Variants in GRK7 observed in about 807,000 individuals in gnomAD.
GRK7 encodes G protein-coupled receptor kinase 7.
GRK7 carries 24 observed loss-of-function variants against 34.1 expected under a neutral mutation model. The ratio of observed to expected loss-of-function variants is 0.70; its 90% CI spans 0.51 to 0.99. GRK7 has a LOEUF of 0.99. Ranked by LOEUF, GRK7 falls within the 50% of genes least tolerant of loss-of-function variation. The pLI, the probability that GRK7 is intolerant of heterozygous loss-of-function variation, is 0.00. For synonymous variants in GRK7, 256 were observed against 279.4 expected (o/e 0.92, Z 0.84); for missense variants, 644 against 707.3 (o/e 0.91, Z 1.02).
chr3:141,769,473 G>A (rs965128791), intron 1 of GRK7, among the ~76,000 whole-genome samples: 2 of 152,070 alleles, frequency 1.3e-5, no homozygotes, highest in African/African-American at 2.4e-5. Flanking sequence ...TATCCACATC[G>A]TATGGCTAAA....
At chr3:141,796,877 T>G (rs1046700425) in intron 4 of GRK7, among the ~76,000 whole-genome samples, 3 of 152,126 alleles carry the variant, frequency 2.0e-5, no homozygotes, top group African/African-American at 4.8e-5. Flanking sequence ...CCAGGCATGG[T>G]AACAACAGCC....
intron 4 of GRK7, among the ~76,000 whole-genome samples, chr3:141,804,920 C>A (rs2107892327): frequency 6.6e-6 from 1 of 151,380 alleles, no homozygotes; most frequent in Middle Eastern, 3.4e-3. Context: ...CTCACACACA[C>A]ATGCATACTC....
rs116094914 is a variant in GRK7, at chr3:141,817,114, C to T, written c.*64C>T. 1.6e-3 allele frequency: 2,036 copies of T among 1,270,206 alleles called. 31 individuals are homozygous for T. In the African/African-American group the frequency reaches 0.026, roughly 16 times the overall value. 78.7% of individuals were successfully genotyped at this position (1,270,206 alleles called of 1,614,324 possible). ...TGACATAATCCTCGAATGTTCCACA[C>T]GTGGAAATCTGTGGAATGAGGGCTA... On this transcript the variant is annotated 3_prime_UTR_variant, in exon 6 of 6. Transcript: ENST00000682958.
Position 141,763,712 on chromosome 3 carries a change from A to G in GRK7, c.-2241A>G, listed in dbSNP as rs1469828317. ...TTAGATACCTCAACACAAGAAACCC[A>G]GTTTTCCAGCTCAACTCACATTCTC... On this transcript the variant is annotated 5_prime_UTR_variant, in exon 1 of 6. Transcript: ENST00000682958. 1.3e-5 allele frequency among the ~76,000 whole-genome samples: 2 copies of G among 152,234 alleles called. No individual in the cohort carries two copies. Among genetic ancestry groups the G allele is most frequent in the East Asian group, 3.9e-4 (2 of 5,170 alleles).
chr3:141,816,259 G>A lies in GRK7; in HGVS notation c.1326-455G>A, dbSNP rs185131949. On this transcript the variant is annotated intron_variant, in intron 5 of 5. Transcript: ENST00000682958. ...GTTGGGGAGGTAAGTGGGGCTTGTAGAAATCATATCATATTACCAATAAAG... is the reference window on the plus strand; with the variant it reads ...GTTGGGGAGGTAAGTGGGGCTTGTAAAAATCATATCATATTACCAATAAAG... 1.2e-4 allele frequency among the ~76,000 whole-genome samples: 18 copies of A among 152,258 alleles called. No individual in the cohort carries two copies. The East Asian group carries it at 2.7e-3, about 23-fold the overall frequency.
chr3:141,773,522 A>G lies in GRK7; in HGVS notation c.-214-1058A>G, dbSNP rs547031445. 7.8e-4 allele frequency among the ~76,000 whole-genome samples: 118 copies of G among 152,100 alleles called. 5 individuals carry two copies. In the South Asian group the frequency reaches 0.024, roughly 31 times the overall value. On this transcript the variant is annotated intron_variant, in intron 1 of 5. Transcript: ENST00000682958. Reference sequence around the variant, plus strand: ...ATGATGATTATTATTTATTGTTATTATTTTTTTGAGACGGAGTCTTGCTCT... The same window carrying G: ...ATGATGATTATTATTTATTGTTATTGTTTTTTTGAGACGGAGTCTTGCTCT...
chr3:141,786,775 GAAA>G (rs34246562), intron 4 of GRK7, among the ~76,000 whole-genome samples: 2 of 136,120 alleles, frequency 1.5e-5, no homozygotes, highest in Non-Finnish European at 3.2e-5. Flanking sequence ...AAGACTCTCG[GAAA>G]AAAAAAAAAA....
chr3:141,818,274 GC>G lies in GRK7; in HGVS notation c.*1225del, dbSNP rs1711173426. ...AGGCAGATGGATCATGAGGTCAGGG[GC>G]TCAAGACTAGCCTGGCCAACATGTT... On this transcript the variant is annotated 3_prime_UTR_variant, in exon 6 of 6. Transcript: ENST00000682958. The G allele has an allele frequency of 6.6e-6, 1 of 152,210 alleles. No individual in the cohort carries two copies. Among genetic ancestry groups the G allele is most frequent in the Non-Finnish European group, 1.5e-5 (1 of 68,082 alleles). The allele number at this position is 152,210 out of a possible 1,614,324, so 9.4% of individuals were successfully genotyped here. A position where few individuals can be genotyped will look rare whatever the true frequency, so the allele number is the denominator to read the frequency against.
At chr3:141,794,376 G>C (rs915893674) in intron 4 of GRK7, among the ~76,000 whole-genome samples, 1 of 152,238 alleles carries the variant, frequency 6.6e-6, no homozygotes, top group African/African-American at 2.4e-5. Context: ...GCCCCCACAG[G>C]TGGGGAAGAG....
chr3:141,771,365 C>T (rs1044178365), intron 1 of GRK7, among the ~76,000 whole-genome samples: 1 of 152,158 alleles, frequency 6.6e-6, no homozygotes, highest in Non-Finnish European at 1.5e-5. Context: ...TCAAATACAG[C>T]ATGTACTCTC....
intron 4 of GRK7, among the ~76,000 whole-genome samples, chr3:141,782,174 C>A (rs74446367): frequency 6.6e-6 from 1 of 152,086 alleles, no homozygotes; most frequent in Non-Finnish European, 1.5e-5. Context: ...AAGACCAATG[C>A]GGCAACAATT....
At chr3:141,753,091 G>A in the GRK7 span, among the ~76,000 whole-genome samples, 1 of 152,182 alleles carries the variant, frequency 6.6e-6, no homozygotes, top group African/African-American at 2.4e-5. Context: ...AGATGACACT[G>A]GTGGAAGGAA....
At chr3:141,810,056 G>A (rs1041593111) in intron 5 of GRK7, among the ~76,000 whole-genome samples, 1 of 152,156 alleles carries the variant, frequency 6.6e-6, no homozygotes, top group Non-Finnish European at 1.5e-5. Flanking sequence ...GAGTAAAGTA[G>A]ATTACCATCC....
chr3:141,773,410 T>C (rs1469954704), intron 1 of GRK7, among the ~76,000 whole-genome samples: 2 of 152,132 alleles, frequency 1.3e-5, no homozygotes, highest in African/African-American at 4.8e-5. Flanking sequence ...TTCTTCTACA[T>C]CGCTTAGGCC....
chr3:141,814,253 G>A (rs1711124447), intron 5 of GRK7, among the ~76,000 whole-genome samples: 1 of 152,112 alleles, frequency 6.6e-6, no homozygotes, highest in South Asian at 2.1e-4. Flanking sequence ...TTTAGATTCA[G>A]GGAGTATATG....
At chr3:141,781,981 T>C (rs1223643454) in intron 4 of GRK7, among the ~76,000 whole-genome samples, 1 of 152,094 alleles carries the variant, frequency 6.6e-6, no homozygotes, top group East Asian at 1.9e-4. Context: ...CCAAAGGAAA[T>C]GAGAAAAATC....
intron 4 of GRK7, among the ~76,000 whole-genome samples, chr3:141,786,071 T>C (rs1293459822): frequency 1.3e-5 from 2 of 152,146 alleles, no homozygotes; most frequent in African/African-American, 2.4e-5. Context: ...TACCTGCTTA[T>C]AGCCCATTAG....
chr3:141,762,941 C>A (rs1453804138), upstream of GRK7, among the ~76,000 whole-genome samples: 1 of 152,216 alleles, frequency 6.6e-6, no homozygotes, highest in Admixed American at 6.5e-5. Context: ...ACTCCCTGAC[C>A]CCTTGCGCTT....
chr3:141,803,799 G>A (rs1174553738), intron 4 of GRK7, among the ~76,000 whole-genome samples: 1 of 152,116 alleles, frequency 6.6e-6, no homozygotes, highest in African/African-American at 2.4e-5. Flanking sequence ...TCGGCTCACT[G>A]CAACCTCTGC....
Sources: allele counts gnomAD v4.1 joint callset (sites outside exome capture counted in the v4.1 genomes callset), GRCh38; gene constraint gnomAD v4.1.1; transcripts MANE v1.5; gene names NCBI Gene and HGNC (gene_info 2026-07-23, HGNC 2026-07-21).